PHLPP1: variants seen among roughly 807,000 people sequenced by gnomAD.
PHLPP1 encodes PH domain leucine-rich repeat-containing protein phosphatase 1.
Under a neutral mutation model 117.2 loss-of-function variants are expected in PHLPP1, and 42 were observed. That is an observed-to-expected ratio of 0.36 (90% CI 0.28 to 0.46). The LOEUF (loss-of-function observed/expected upper bound fraction) is 0.46. PHLPP1 is among the 20% of genes least tolerant of loss of function. PHLPP1 has a pLI of 1.00. For missense variants in PHLPP1, 2,084 were observed against 2,241.9 expected, an observed-to-expected ratio of 0.93 and a Z score of 1.42; for synonymous variants, 1,042 against 970.7, an observed-to-expected ratio of 1.07 and a Z score of -1.37.
intron 6 of PHLPP1, among the ~76,000 whole-genome samples, chr18:62,899,023 C>A (rs933070731): frequency 2.6e-5 from 4 of 152,084 alleles, no homozygotes; most frequent in African/African-American, 4.8e-5. Flanking sequence ...TGGTCTCAAA[C>A]TCCTGACCTC....
chr18:62,811,266 A>G (rs1914106858), intron 1 of PHLPP1, among the ~76,000 whole-genome samples: 1 of 152,200 alleles, frequency 6.6e-6, no homozygotes, highest in African/African-American at 2.4e-5. Context: ...TTGACCTAGC[A>G]GTTTATAGAA....
At chr18:62,899,213 T>C (rs1239729430) in intron 6 of PHLPP1, among the ~76,000 whole-genome samples, 1 of 152,098 alleles carries the variant, frequency 6.6e-6, no homozygotes, top group Admixed American at 6.6e-5. Flanking sequence ...AGAAAATAGG[T>C]CTCCTTCACC....
At chr18:62,916,605 G>GGGGT (rs1555681660) in intron 9 of PHLPP1, among the ~76,000 whole-genome samples, 10 of 145,766 alleles carry the variant, frequency 6.9e-5, no homozygotes, top group Admixed American at 4.8e-4. Context: ...CAAGAGGGTG[G>GGGGT]GTGTGTGTGT....
At chr18:62,794,608 C>T (rs2144293528) in intron 1 of PHLPP1, among the ~76,000 whole-genome samples, 1 of 152,226 alleles carries the variant, frequency 6.6e-6, no homozygotes, top group African/African-American at 2.4e-5. Flanking sequence ...CTCCTGGACT[C>T]AAGGGATCCT....
chr18:62,932,724 C>T (rs1435064226), intron 10 of PHLPP1, among the ~76,000 whole-genome samples: 1 of 152,208 alleles, frequency 6.6e-6, no homozygotes. Flanking sequence ...TATGCCTACT[C>T]TCACCACTCC....
At position 62,920,961 on chromosome 18, in the gene PHLPP1, T is replaced by C. The variant is rs538846210; in HGVS notation, c.2960+847T>C. ...ACAAACAAAATTTTCCTAAATTACTTGTATCATACACTAAGCATTTGAAGT... is the reference window on the plus strand; with the variant it reads ...ACAAACAAAATTTTCCTAAATTACTCGTATCATACACTAAGCATTTGAAGT... On this transcript the variant is annotated intron_variant, in intron 10 of 16. Transcript: ENST00000262719. Among the ~76,000 whole-genome samples, 3 of 152,350 alleles carry C rather than the reference T, an allele frequency of 2.0e-5. No individual in the cohort carries two copies. The South Asian group carries it at 6.2e-4, about 32-fold the overall frequency.
chr18:62,758,050 G>A (rs931187866), intron 1 of PHLPP1, among the ~76,000 whole-genome samples: 1 of 152,160 alleles, frequency 6.6e-6, no homozygotes, highest in African/African-American at 2.4e-5. Context: ...CATGCATTTC[G>A]ACCCCATGAG....
intron 1 of PHLPP1, among the ~76,000 whole-genome samples, chr18:62,730,722 G>T (rs1911202443): frequency 6.6e-6 from 1 of 151,358 alleles, no homozygotes; most frequent in Non-Finnish European, 1.5e-5. Context: ...AAAACGGGAG[G>T]CAGAGGTTGC....
At chr18:62,977,640 C>T (rs1006918803) in intron 16 of PHLPP1, among the ~76,000 whole-genome samples, 65 of 152,312 alleles carry the variant, frequency 4.3e-4, no homozygotes, top group African/African-American at 1.5e-3. Context: ...CATTCTTACC[C>T]ACCTAGTCAA....
intron 14 of PHLPP1, among the ~76,000 whole-genome samples, chr18:62,969,415 T>C (rs1910990443): frequency 6.6e-6 from 1 of 152,320 alleles, no homozygotes; most frequent in Middle Eastern, 3.4e-3. Flanking sequence ...TTTAAACTTA[T>C]TTAGACTTGA....
intron 4 of PHLPP1, among the ~76,000 whole-genome samples, chr18:62,893,293 C>T (rs1916472107): frequency 6.6e-6 from 1 of 152,162 alleles, no homozygotes; most frequent in South Asian, 2.1e-4. Flanking sequence ...GATCTGCCCA[C>T]CTCGGCCTCC....
rs1240947983 is a variant in PHLPP1 at position 62,978,318 on chromosome 18, C to G, written c.4041C>G (p.Leu1347=). ...CGCGCATCCTGGGCTACACCTTCCT[C>G]CATCCCAGTGTGGTGCCTCGCCCCC... is the stretch of plus-strand genomic sequence containing the variant. The part of the protein sequence containing the change: ...ESTRILGYTF[L]HPSVVPRPHV... Residue 1347 remains leucine, a synonymous_variant, in exon 17 of 17, where the codon CTC becomes CTG. Transcript: ENST00000262719. This position sits in a 1 kb window ranked among gnomAD's most constrained non-coding sequence, Gnocchi z 7.0. 6.2e-7 allele frequency: 1 copy of G among 1,613,128 alleles called. No homozygotes were observed. The highest frequency in any genetic ancestry group is 1.7e-5 in the Admixed American group (1 of 59,942).
intron 9 of PHLPP1, 67 bp downstream of exon 9, chr18:62,915,075 G>T (rs779714175): frequency 1.8e-6 from 2 of 1,136,732 alleles, no homozygotes; most frequent in Non-Finnish European, 2.6e-6. Flanking sequence ...TGCTGATTCA[G>T]TGTTTAACTT....
intron 3 of PHLPP1, among the ~76,000 whole-genome samples, chr18:62,854,590 T>G (rs963638378): frequency 8.5e-5 from 13 of 152,234 alleles, no homozygotes; most frequent in Non-Finnish European, 1.5e-4. Context: ...TATGTTATTT[T>G]ATGATGGAGA....
rs1490576891 is a variant in PHLPP1 at position 62,766,086 on chromosome 18, TATATATATATATATATAAA to T, written c.1576+48840_1576+48858del. On this transcript the variant is annotated intron_variant, in intron 1 of 16. Coordinates refer to ENST00000262719, the MANE Select transcript of PHLPP1 (RefSeq NM_194449.4). Reference sequence around the variant, plus strand: ...AAAAAAAAAAAAAAAAATATATATATATATATATATATATATAAAATATATATATATTTGTACAGAAAAG... The same window carrying T: ...AAAAAAAAAAAAAAAAATATATATATATATATATATATTTGTACAGAAAAG... 2.7e-4 allele frequency among the ~76,000 whole-genome samples: 17 copies of T among 62,784 alleles called. 1 individual carries two copies. The highest frequency in any genetic ancestry group is 6.5e-4 in the Admixed American group (4 of 6,162). The allele number at this position is 62,784 out of a possible 152,430, so 41.2% of individuals were successfully genotyped here.
chr18:62,841,219 C>CT (rs2144342973), intron 3 of PHLPP1, among the ~76,000 whole-genome samples: 1 of 151,742 alleles, frequency 6.6e-6, no homozygotes, highest in Non-Finnish European at 1.5e-5. Flanking sequence ...TTTCCATTGC[C>CT]TTTTTTCTGT....
intron 1 of PHLPP1, among the ~76,000 whole-genome samples, chr18:62,820,614 TCTC>T (rs1384180867): frequency 2.0e-5 from 3 of 152,206 alleles, no homozygotes; most frequent in Non-Finnish European, 2.9e-5. Flanking sequence ...GCTCAGCACT[TCTC>T]CTTCCTGCCA....
At chr18:62,764,738 T>TG (rs1912406544) in intron 1 of PHLPP1, among the ~76,000 whole-genome samples, 1 of 152,234 alleles carries the variant, frequency 6.6e-6, no homozygotes, top group Non-Finnish European at 1.5e-5. Context: ...ACTCTTGAAG[T>TG]GGTGTGCCTG....
chr18:62,774,155 C>T (rs146707041), intron 1 of PHLPP1, among the ~76,000 whole-genome samples: 1 of 152,260 alleles, frequency 6.6e-6, no homozygotes, highest in Non-Finnish European at 1.5e-5. Flanking sequence ...CTTCATTGGT[C>T]TGTTGTCCAA....
Sources: allele counts gnomAD v4.1 joint callset (sites outside exome capture counted in the v4.1 genomes callset), GRCh38; gene constraint gnomAD v4.1.1; non-coding constraint Gnocchi (gnomAD v3.1); transcripts MANE v1.5; gene names NCBI Gene and HGNC (gene_info 2026-07-23, HGNC 2026-07-21).